Variants in THEM4 observed in about 807,000 individuals in gnomAD.
THEM4 encodes the protein acyl-coenzyme A thioesterase THEM4.
A neutral mutation model predicts 25.0 loss-of-function variants in THEM4; 22 were observed. The ratio of observed to expected loss-of-function variants is 0.88; its 90% CI spans 0.63 to 1.26. THEM4 has a LOEUF of 1.26. Among genes scored for constraint, THEM4 ranks in the 50% most tolerant of loss-of-function variants. The probability of loss-of-function intolerance (pLI) is 0.00; values close to 1 mark genes in which losing one functional copy is unlikely to be tolerated. For missense variants in THEM4, 286 were observed against 300.3 expected (o/e 0.95, Z 0.35); for synonymous variants, 113 against 105.6 (o/e 1.07, Z -0.43).
At chr1:151,878,772 T>C (rs1653742024) in intron 4 of THEM4, among the ~76,000 whole-genome samples, 1 of 152,216 alleles carries the variant, frequency 6.6e-6, no homozygotes, top group South Asian at 2.1e-4. Flanking sequence ...TTAGCTTGTT[T>C]TCCTTCGTTT....
intron 1 of THEM4, among the ~76,000 whole-genome samples, chr1:151,901,862 A>C (rs948095637): frequency 3.3e-5 from 5 of 152,102 alleles, no homozygotes; most frequent in South Asian, 4.1e-4. Flanking sequence ...ACAAACAAAA[A>C]AAAAAAACAA....
At chr1:151,898,533 T>C (rs1349719589) in intron 1 of THEM4, among the ~76,000 whole-genome samples, 1 of 152,154 alleles carries the variant, frequency 6.6e-6, no homozygotes, top group East Asian at 1.9e-4. Context: ...GGGCATATAA[T>C]CTTGGGAGTT....
At chr1:151,875,228 T>C (rs557889773) in intron 5 of THEM4, among the ~76,000 whole-genome samples, 1 of 152,330 alleles carries the variant, frequency 6.6e-6, no homozygotes, top group South Asian at 2.1e-4. Context: ...CTTTATGATA[T>C]TGAAAGGTTT....
At chr1:151,898,728 T>C (rs1022062730) in intron 1 of THEM4, among the ~76,000 whole-genome samples, 2 of 152,228 alleles carry the variant, frequency 1.3e-5, no homozygotes, top group African/African-American at 2.4e-5. Flanking sequence ...TATTCATGGC[T>C]GGGAGACCCA....
chr1:151,909,390 G>C lies in THEM4; in HGVS notation c.69C>G (p.Arg23=), dbSNP rs1333273553. ...GALCLPPVGR[R]LPGSEPRPEL... ...CGGGTCGCGGCTCGCTTCCCGGCAG[G>C]CGCCGGCCTACTGGCGGCAGGCACA... Residue 23 remains arginine, a synonymous_variant, in exon 1 of 6, where the codon CGC becomes CGG. Coordinates refer to ENST00000368814, the MANE Select transcript of THEM4 (RefSeq NM_053055.5). 6.0e-6 allele frequency: 9 copies of C among 1,505,390 alleles called. No homozygotes were observed. The highest frequency in any genetic ancestry group is 1.4e-5 in the African/African-American group (1 of 69,258). The allele number at this position is 1,505,390 out of a possible 1,614,324, so 93.3% of individuals were successfully genotyped here. A position where few individuals can be genotyped will look rare whatever the true frequency, so the allele number is the denominator to read the frequency against.
chr1:151,877,826 C>T (rs759714569), intron 4 of THEM4, among the ~76,000 whole-genome samples: 51 of 152,128 alleles, frequency 3.4e-4, no homozygotes, highest in Non-Finnish European at 7.1e-4. Flanking sequence ...TCTGGGAATC[C>T]TGGAGAAACA....
chr1:151,904,366 A>C (rs1654412638), intron 1 of THEM4, among the ~76,000 whole-genome samples: 1 of 152,208 alleles, frequency 6.6e-6, no homozygotes, highest in Non-Finnish European at 1.5e-5. Context: ...AAATATAACA[A>C]AATATATTCA....
At position 151,872,566 on chromosome 1, in the gene THEM4, A is replaced by T. The variant is rs1055520713; in HGVS notation, c.*2322T>A. ...GTCTATGTAGAAAGGAAGACATGAG[A>T]AATTCCATTTTGATCTGTTCTAAGA... is the stretch of plus-strand genomic sequence containing the variant. On this transcript the variant is annotated 3_prime_UTR_variant, in exon 6 of 6. Transcript: ENST00000368814. Among the ~76,000 whole-genome samples, 1 of 152,186 alleles carries T rather than the reference A, an allele frequency of 6.6e-6. No individual in the cohort carries two copies. The highest frequency in any genetic ancestry group is 2.4e-5 in the African/African-American group (1 of 41,452).
Position 151,871,299 on chromosome 1 carries a change from C to T in THEM4, c.*3589G>A, listed in dbSNP as rs1176992327. On this transcript the variant is annotated 3_prime_UTR_variant, in exon 6 of 6. Transcript: ENST00000368814. ...GAGATTGTGTCTCTGCATTCCAGCC[C>T]AGGCGACAGAGCCAGACCCTGTCTT... Among the ~76,000 whole-genome samples, 1 of 145,388 alleles carries T rather than the reference C, an allele frequency of 6.9e-6. No homozygotes were observed. The highest frequency in any genetic ancestry group is 2.0e-4 in the East Asian group (1 of 5,010).
chr1:151,876,990 C>T lies in THEM4; in HGVS notation c.682+11G>A, dbSNP rs1014213780. 8 of 1,600,140 alleles carry T rather than the reference C, an allele frequency of 5.0e-6. No homozygotes were observed. The highest frequency in any genetic ancestry group is 1.4e-5 in the African/African-American group (1 of 74,010). On this transcript the variant is annotated intron_variant, in intron 5 of 5. Transcript: ENST00000368814. ...CTAAACCCCAAGAAAGAGATAAGAC[C>T]AGCTTCTTACTTGTCGCCTCTGAGT... is the stretch of plus-strand genomic sequence containing the variant.
intron 4 of THEM4, among the ~76,000 whole-genome samples, chr1:151,884,687 G>GTTTTTTTT (rs11371460): frequency 6.8e-6 from 1 of 146,504 alleles, no homozygotes; most frequent in African/African-American, 2.5e-5. Context: ...CCTTTTTTTT[G>GTTTTTTTT]TTTTTTTTTT....
At chr1:151,889,156 T>C (rs1178752965) in intron 3 of THEM4, 58 bp downstream of exon 3, 3 of 1,471,984 alleles carry the variant, frequency 2.0e-6, no homozygotes, top group Non-Finnish European at 2.8e-6. Flanking sequence ...ACAGGACACA[T>C]GGGGGCAGTG....
At chr1:151,884,425 G>T (rs1018621243) in intron 4 of THEM4, among the ~76,000 whole-genome samples, 5 of 152,136 alleles carry the variant, frequency 3.3e-5, no homozygotes, top group South Asian at 2.1e-4. Context: ...AGGTATCAAA[G>T]AAACCTTTCT....
intron 4 of THEM4, among the ~76,000 whole-genome samples, chr1:151,877,916 G>A (rs1019288421): frequency 1.3e-5 from 2 of 152,066 alleles, no homozygotes; most frequent in Non-Finnish European, 2.9e-5. Context: ...AACGTGTTTC[G>A]TGCTCCTATG....
At chr1:151,895,986 TCC>T (rs1384243998) in intron 1 of THEM4, among the ~76,000 whole-genome samples, 2 of 148,226 alleles carry the variant, frequency 1.3e-5, no homozygotes, top group African/African-American at 4.9e-5. Flanking sequence ...TTTTCTTGCT[TCC>T]TTTTTTTTTT....
rs759575997 is a variant in THEM4 at position 151,884,111 on chromosome 1, A to AAATAAAGGAAGG, written c.557+4161_557+4162insCCTTCCTTTATT. ...TAAATAAATAAATAAATAAATAAAT[A>AAATAAAGGAAGG]AAGGAAGGAAGGAAGAAGCTTCCAG... On this transcript the variant is annotated intron_variant, in intron 4 of 5. Coordinates refer to ENST00000368814, the MANE Select transcript of THEM4 (RefSeq NM_053055.5). Among the ~76,000 whole-genome samples, 145 of 150,914 alleles carry AAATAAAGGAAGG rather than the reference A, an allele frequency of 9.6e-4. 1 individual carries two copies. The highest frequency in any genetic ancestry group is 3.1e-3 in the African/African-American group (127 of 40,822).
intron 2 of THEM4, among the ~76,000 whole-genome samples, chr1:151,892,404 G>A (rs1654114063): frequency 6.6e-6 from 1 of 152,174 alleles, no homozygotes; most frequent in Admixed American, 6.5e-5. Flanking sequence ...TGGCTTCAAT[G>A]AAGACATTTC....
chr1:151,907,465 C>T (rs1169967667), intron 1 of THEM4, among the ~76,000 whole-genome samples: 1 of 152,160 alleles, frequency 6.6e-6, no homozygotes. Flanking sequence ...TGCTTTCACG[C>T]CACTATGCTT....
chr1:151,907,307 A>G (rs1018865066), intron 1 of THEM4, among the ~76,000 whole-genome samples: 3 of 152,158 alleles, frequency 2.0e-5, no homozygotes, highest in Admixed American at 6.5e-5. Context: ...GCCTTTAAGA[A>G]CTATAACACT....
Sources: gnomAD v4.1 joint callset for allele counts (sites outside exome capture counted in the v4.1 genomes callset) on GRCh38, gnomAD v4.1.1 for gene constraint, MANE v1.5 for transcripts, NCBI Gene and HGNC (gene_info 2026-07-23, HGNC 2026-07-21) for gene names.